The following CRYBG2 variants were observed in gnomAD, a reference collection of about 807,000 sequenced individuals.
CRYBG2 encodes crystallin beta-gamma domain containing 2.
In CRYBG2, 106 loss-of-function variants were observed where a neutral mutation model predicts 153.4. The observed-to-expected ratio is 0.69, with a 90% CI of 0.59 to 0.81. CRYBG2 has a LOEUF of 0.81. CRYBG2 is among the 30% of genes least tolerant of loss of function. The pLI is 0.00. For missense variants in CRYBG2, 1,996 were observed against 2,112.0 expected, an observed-to-expected ratio of 0.95 and a Z score of 1.08; for synonymous variants, 851 against 877.8, an observed-to-expected ratio of 0.97 and a Z score of 0.54.
chr1:26,342,981 T>C, intron 4 of CRYBG2, 66 bp downstream of exon 4: 1 of 1,545,600 alleles, frequency 6.5e-7, no homozygotes, highest in Non-Finnish European at 8.7e-7. Flanking sequence ...GACTGGTCAC[T>C]CCTCACTCCC....
At position 26,345,803 on chromosome 1, in the gene CRYBG2, A is replaced by C; in HGVS notation, c.855T>G (p.Leu285=). 1 of 1,596,610 alleles carries C rather than the reference A, an allele frequency of 6.3e-7. No homozygotes were observed. The highest frequency in any genetic ancestry group is 8.5e-7 in the Non-Finnish European group (1 of 1,179,052). ...RQLPETGTAE[L]KDSSALASTG... ...TAGAGGCCAGGGCAGAGCTGTCTTT[A>C]AGCTCTGCTGTCCCGGTCTCAGGCA... The change falls in exon 2 of 20, where the codon CTT becomes CTG. Residue 285 remains leucine (L), a synonymous_variant. Transcript: ENST00000308182.
Position 26,337,627 on chromosome 1 carries a change from C to A in CRYBG2, c.3555G>T (p.Val1185=). Residue 1185 remains valine, a synonymous_variant, in exon 9 of 20, where the codon GTG becomes GTT. Transcript: ENST00000308182. ...GCTGAAGGTTGTAGATGTCTCGGCT[C>A]ACTTCCCAGCTGCGGCCCTGAAAGC... ...APGFQGRSWE[V]SRDIYNLQQP... 2 of 1,613,132 alleles carry A rather than the reference C, an allele frequency of 1.2e-6. No individual in the cohort carries two copies. The highest frequency in any genetic ancestry group is 1.1e-5 in the South Asian group (1 of 91,062).
intron 14 of CRYBG2, among the ~76,000 whole-genome samples, chr1:26,333,522 C>T (rs182089448): frequency 9.0e-4 from 136 of 151,452 alleles, no homozygotes; most frequent in Non-Finnish European, 1.6e-3. Context: ...GCCGAGATTG[C>T]GCCATTGCAC....
chr1:26,338,519 T>A (rs2074090621), intron 6 of CRYBG2, 42 bp from the exon 7 acceptor site: 2 of 1,537,346 alleles, frequency 1.3e-6, no homozygotes, highest in Non-Finnish European at 1.7e-6. Flanking sequence ...GCAGAGAGAC[T>A]TCAAGGGACA....
At chr1:26,353,080 G>A (rs918244132) in intron 1 of CRYBG2, among the ~76,000 whole-genome samples, 1 of 152,136 alleles carries the variant, frequency 6.6e-6, no homozygotes. Context: ...GCAGGATGGA[G>A]CAGTGGTTAG....
chr1:26,326,816 T>A, intron 17 of CRYBG2: 1 of 516,900 alleles, frequency 1.9e-6, no homozygotes, highest in South Asian at 1.4e-5. Flanking sequence ...AGCACCAAAA[T>A]CTGCATGTGG....
chr1:26,332,306 C>CAAAA lies in CRYBG2; in HGVS notation c.4185-692_4185-689dup, dbSNP rs567865951. On this transcript the variant is annotated intron_variant, in intron 14 of 19. Transcript: ENST00000308182. ...TGGGCAACAGAGCGAGACTCCGTGT[C>CAAAA]AAAAAAAAAAAAAAAAAAGAAAGAA... Among the ~76,000 whole-genome samples, 4 of 71,412 alleles carry CAAAA rather than the reference C, an allele frequency of 5.6e-5. 1 individual carries two copies. Among genetic ancestry groups the CAAAA allele is most frequent in the Non-Finnish European group, 7.8e-5 (3 of 38,244 alleles). The allele number at this position is 71,412 out of a possible 152,430, so 46.8% of individuals were successfully genotyped here. A position where few individuals can be genotyped will look rare whatever the true frequency, so the allele number is the denominator to read the frequency against.
rs2124003639 is a variant in CRYBG2 at position 26,344,004 on chromosome 1, C to T, written c.2654G>A (p.Gly885Asp). The T allele has an allele frequency of 1.3e-6, 2 of 1,536,280 alleles. No homozygotes were observed. The highest frequency in any genetic ancestry group is 4.9e-5 in the East Asian group (2 of 40,920). ...TTCCAATCCCAGCTCTGAGTGGGGG[C>T]CCTTGGTTCCTGCTACATGCTTCTT... ...MMKKHVAGTK[G>D]PHSELGLELQ... is the part of the protein sequence containing the mutation. The change falls in exon 2 of 20, where the codon GGC becomes GAC. Residue 885 changes from glycine to aspartate, a missense_variant. Gly to Asp is a moderately conservative substitution (Grantham distance 94). Coordinates refer to ENST00000308182, the MANE Select transcript of CRYBG2 (RefSeq NM_001039775.4).
At position 26,343,203 on chromosome 1, in the gene CRYBG2, C is replaced by T. The variant is rs1372810450; in HGVS notation, c.2961+43G>A. 3 of 1,550,688 alleles carry T rather than the reference C, an allele frequency of 1.9e-6. No homozygotes were observed. Among genetic ancestry groups the T allele is most frequent in the Admixed American group, 2.0e-5 (1 of 51,002 alleles). On this transcript the variant is annotated intron_variant, in intron 3 of 19. Coordinates refer to ENST00000308182, the MANE Select transcript of CRYBG2 (RefSeq NM_001039775.4). This position sits in a 1 kb window ranked among gnomAD's most constrained non-coding sequence, Gnocchi z 4.1. ...GGTCCTCAGGCCCTGACCCCAGGCC[C>T]CTGCATCCTGCTGCCCCCACCCACT... is the stretch of plus-strand genomic sequence containing the variant.
rs71640320 is a variant in CRYBG2, at chr1:26,336,572, C to T, written c.4038+34G>A. 0.04 allele frequency: 61,186 copies of T among 1,542,136 alleles called. 1,408 individuals are homozygous for T. Among genetic ancestry groups the T allele is most frequent in the Non-Finnish European group, 0.047 (53,447 of 1,143,440 alleles). On this transcript the variant is annotated intron_variant, in intron 12 of 19. Transcript: ENST00000308182. The surrounding 1 kb of genome is among the most constrained non-coding windows in gnomAD (Gnocchi z 4.9). The stretch of plus-strand genomic sequence containing the variant: ...GCACCCGAACTCCAGGTCCCGCCAC[C>T]GGGGAGGCCCCGCCCCCCGCGGCCG...
rs2073954814 is a variant in CRYBG2, at chr1:26,328,192, C to T, written c.4578+17G>A. ...CGCTCAGCCCCAGACACGCTCAGCT[C>T]CAGCCACGCTACCCACCTGCTTGAT... On this transcript the variant is annotated intron_variant, in intron 17 of 19. Transcript: ENST00000308182. 3.8e-6 allele frequency: 6 copies of T among 1,558,900 alleles called. No homozygotes were observed. The highest frequency in any genetic ancestry group is 5.2e-6 in the Non-Finnish European group (6 of 1,151,828).
chr1:26,345,748 T>C lies in CRYBG2; in HGVS notation c.910A>G (p.Lys304Glu), dbSNP rs773507945. 4 of 1,597,420 alleles carry C rather than the reference T, an allele frequency of 2.5e-6. No individual in the cohort carries two copies. The South Asian group carries it at 4.4e-5, about 18-fold the overall frequency. ...TGIPASAHLP[K>E]NQDAPAACPD... ...CAGGCTGCAGGGGCATCCTGATTCT[T>C]AGGCAGGTGAGCACTGGCTGGGATG... is the stretch of plus-strand genomic sequence containing the variant. Residue 304 changes from lysine to glutamate, a missense_variant, in exon 2 of 20, where the codon AAG becomes GAG. Coordinates refer to ENST00000308182, the MANE Select transcript of CRYBG2 (RefSeq NM_001039775.4).
At chr1:26,338,093 A>G (rs772178267) in intron 7 of CRYBG2, 46 bp from the exon 8 acceptor site, 25 of 1,605,772 alleles carry the variant, frequency 1.6e-5, no homozygotes, top group Non-Finnish European at 2.1e-5. Flanking sequence ...GATGGGAAAG[A>G]CAGATGGGGC....
chr1:26,343,127 G>A lies in CRYBG2; in HGVS notation c.2994C>T (p.Gly998=). 1 of 1,550,542 alleles carries A rather than the reference G, an allele frequency of 6.4e-7. No individual in the cohort carries two copies. The highest frequency in any genetic ancestry group is 8.7e-7 in the Non-Finnish European group (1 of 1,146,968). ...TGTCTCCCCAGACCTCCCTGCCACT[G>A]CCTTGGCAGCCAGACTCTGAGAAGA... ...VIFFSESGCQ[G]SGREVWGDIV... is the part of the protein sequence containing the mutation. The change falls in exon 4 of 20, where the codon GGC becomes GGT. Residue 998 remains glycine, a synonymous_variant. Coordinates refer to ENST00000308182, the MANE Select transcript of CRYBG2 (RefSeq NM_001039775.4). This position sits in a 1 kb window ranked among gnomAD's most constrained non-coding sequence, Gnocchi z 4.1.
rs2074061193 is a variant in CRYBG2 at position 26,336,668 on chromosome 1, G to A, written c.3976C>T (p.Arg1326Cys). The change falls in exon 12 of 20, where the codon CGT (arginine) becomes TGT (cysteine). Residue 1326 changes from arginine (R) to cysteine (C), a missense_variant. Physicochemically the swap from Arg to Cys is radical, Grantham distance 180 (BLOSUM62 -3). Coordinates refer to ENST00000308182, the MANE Select transcript of CRYBG2 (RefSeq NM_001039775.4). The surrounding 1 kb of genome is among the most constrained non-coding windows in gnomAD (Gnocchi z 4.9). ...CCAGCGCCCCAGTCCTCGCAGTTAC[G>A]ATACACGCCCTTCTCCAGCACGTAC... Reference protein sequence around the residue: ...EQYVLEKGVYRNCEDWGAGNS... With the variant: ...EQYVLEKGVYCNCEDWGAGNS... 6.4e-7 allele frequency: 1 copy of A among 1,556,312 alleles called. No individual in the cohort carries two copies. Among genetic ancestry groups the A allele is most frequent in the African/African-American group, 1.4e-5 (1 of 73,424 alleles).
intron 9 of CRYBG2, 54 bp downstream of exon 9, chr1:26,337,484 C>T: frequency 6.2e-7 from 1 of 1,604,934 alleles, no homozygotes. Context: ...CTCCCCACTC[C>T]CAAGGGTAAA....
chr1:26,341,539 T>A (rs2074130400), intron 5 of CRYBG2, among the ~76,000 whole-genome samples: 1 of 151,846 alleles, frequency 6.6e-6, no homozygotes, highest in Non-Finnish European at 1.5e-5. Context: ...CAGGCTGGAG[T>A]GCAATGGCAT....
chr1:26,345,931 G>C lies in CRYBG2; in HGVS notation c.727C>G (p.Pro243Ala). Residue 243 changes from proline (P) to alanine (A), a missense_variant, in exon 2 of 20, where the codon CCT becomes GCT. Pro to Ala is a conservative substitution (Grantham distance 27, BLOSUM62 -1). Coordinates refer to ENST00000308182, the MANE Select transcript of CRYBG2 (RefSeq NM_001039775.4). Reference protein sequence around the residue: ...QAVKVLSNLVPAGHSPPASHL... With the variant: ...QAVKVLSNLVAAGHSPPASHL... ...CTGGCAGGGGGGCTGTGCCCAGCAG[G>C]CACGAGGTTACTTAGCACTTTCACG... The C allele has an allele frequency of 6.3e-7, 1 of 1,596,310 alleles. No homozygotes were observed. The highest frequency in any genetic ancestry group is 8.5e-7 in the Non-Finnish European group (1 of 1,178,568).
Position 26,343,247 on chromosome 1 carries a change from T to A in CRYBG2, c.2960A>T (p.Lys987Met). 1 of 1,544,602 alleles carries A rather than the reference T, an allele frequency of 6.5e-7. No individual in the cohort carries two copies. Among genetic ancestry groups the A allele is most frequent in the African/African-American group, 1.4e-5 (1 of 71,938 alleles). The change falls in exon 3 of 20, where the codon AAG becomes ATG. Residue 987 changes from lysine to methionine, a missense_variant and splice_region_variant. Coordinates refer to ENST00000308182, the MANE Select transcript of CRYBG2 (RefSeq NM_001039775.4). This position sits in a 1 kb window ranked among gnomAD's most constrained non-coding sequence, Gnocchi z 4.1. The part of the protein sequence containing the change: ...TQGKLNTRPG[K>M]VIFFSESGCQ... ...ACCCACTTGCCCCCACAACCCTACC[T>A]TTCCAGGCCTGGTGTTCAGCTTGCC...
Sources: allele counts gnomAD v4.1 joint callset (sites outside exome capture counted in the v4.1 genomes callset), GRCh38; gene constraint gnomAD v4.1.1; non-coding constraint Gnocchi (gnomAD v3.1); transcripts MANE v1.5; gene names NCBI Gene and HGNC (gene_info 2026-07-23, HGNC 2026-07-21).